Variants in FOXP1 observed in about 807,000 individuals in gnomAD.
The protein encoded by FOXP1 is forkhead box P1.
FOXP1 carries 15 observed loss-of-function variants against 98.2 expected under a neutral mutation model. That is an observed-to-expected ratio of 0.15 (90% CI 0.10 to 0.24). FOXP1 has a LOEUF of 0.24. Ranked by LOEUF, FOXP1 falls within the 10% of genes least tolerant of loss-of-function variation. FOXP1 has a pLI of 1.00. For synonymous variants in FOXP1, 371 were observed against 314.5 expected, an observed-to-expected ratio of 1.18 and a Z score of -1.90; for missense variants, 633 against 848.5, an observed-to-expected ratio of 0.75 and a Z score of 3.15.
intron 6 of FOXP1, among the ~76,000 whole-genome samples, chr3:71,151,477 T>C (rs1004820520): frequency 6.6e-6 from 1 of 152,136 alleles, no homozygotes. Context: ...GACCACTAAA[T>C]GTGTCCCTTC....
At chr3:71,157,740 G>A (rs1365862794) in intron 6 of FOXP1, among the ~76,000 whole-genome samples, 1 of 152,112 alleles carries the variant, frequency 6.6e-6, no homozygotes, top group Non-Finnish European at 1.5e-5. Context: ...GTGATACAAA[G>A]TTGGGCTAAG....
intron 2 of FOXP1, among the ~76,000 whole-genome samples, chr3:71,555,071 T>G (rs2046033174): frequency 6.6e-6 from 1 of 152,246 alleles, no homozygotes; most frequent in Non-Finnish European, 1.5e-5. Context: ...TGTATATATT[T>G]TTTAAACTTT....
intron 3 of FOXP1, among the ~76,000 whole-genome samples, chr3:71,397,266 G>A (rs35871794): frequency 0.16 from 23,570 of 151,014 alleles, 2,220 homozygotes; most frequent in South Asian, 0.22. Flanking sequence ...AAACCCATTC[G>A]GAAGGAACGA....
chr3:71,201,176 G>A (rs538214445), intron 5 of FOXP1, among the ~76,000 whole-genome samples: 1 of 152,116 alleles, frequency 6.6e-6, no homozygotes. Context: ...ACAGAGTAAA[G>A]CGTCTATCAA....
rs1441344156 is a variant in FOXP1 at position 71,427,417 on chromosome 3, A to T, written c.-168+66009T>A. ...GTCTGGCTGCAGCGAAGGGCATGTA[A>T]AGCGTAAAGCTAGCGAGAACTGGAA... On this transcript the variant is annotated intron_variant, in intron 3 of 20. Coordinates refer to ENST00000649528, the MANE Select transcript of FOXP1 (RefSeq NM_001349338.3). 2.0e-5 allele frequency among the ~76,000 whole-genome samples: 3 copies of T among 152,220 alleles called. No homozygotes were observed. In the East Asian group the frequency reaches 5.8e-4, roughly 29 times the overall value.
intron 5 of FOXP1, among the ~76,000 whole-genome samples, chr3:71,200,527 C>T (rs773560605): frequency 2.6e-5 from 4 of 152,100 alleles, no homozygotes; most frequent in African/African-American, 7.2e-5. Flanking sequence ...ACAATGAAAA[C>T]GGCAGGCTCA....
At chr3:71,083,038 G>A (rs958007494) in intron 7 of FOXP1, among the ~76,000 whole-genome samples, 56 of 152,168 alleles carry the variant, frequency 3.7e-4, no homozygotes, top group African/African-American at 1.2e-3. Flanking sequence ...TCATCCGGGG[G>A]ATGCAGGGGT....
chr3:71,328,990 C>CAAAAAAAAAAAAAAAAAA (rs56332143), intron 4 of FOXP1, among the ~76,000 whole-genome samples: 1 of 59,026 alleles, frequency 1.7e-5, no homozygotes, highest in Non-Finnish European at 3.6e-5. Context: ...AAAAAAAAAA[C>CAAAAAAAAAAAAAAAAAA]AAAAAAAAAA....
chr3:71,277,932 TAAACTC>T (rs745637427), intron 5 of FOXP1, among the ~76,000 whole-genome samples: 7 of 152,088 alleles, frequency 4.6e-5, no homozygotes, highest in Non-Finnish European at 1.0e-4. Context: ...CTCACTAATA[TAAACTC>T]AGCAAAGAAT....
intron 3 of FOXP1, among the ~76,000 whole-genome samples, chr3:71,430,387 T>G (rs2084597533): frequency 6.6e-6 from 1 of 152,194 alleles, no homozygotes; most frequent in Admixed American, 6.5e-5. Context: ...TATGAAATTT[T>G]ATAACAGATG....
chr3:71,218,641 C>T (rs2065120489), intron 5 of FOXP1, among the ~76,000 whole-genome samples: 1 of 152,198 alleles, frequency 6.6e-6, no homozygotes, highest in South Asian at 2.1e-4. Flanking sequence ...CTCTCTGTCC[C>T]AGCTACTTAG....
chr3:71,578,086 T>C (rs2047869560), intron 2 of FOXP1, among the ~76,000 whole-genome samples: 1 of 150,816 alleles, frequency 6.6e-6, no homozygotes, highest in African/African-American at 2.4e-5. Flanking sequence ...AAAAAAAAAA[T>C]TAAAAACAAA....
At position 71,001,031 on chromosome 3, in the gene FOXP1, C is replaced by T. The variant is rs1477164140; in HGVS notation, c.1003G>A (p.Asp335Asn). 2 of 1,613,200 alleles carry T rather than the reference C, an allele frequency of 1.2e-6. No homozygotes were observed. The highest frequency in any genetic ancestry group is 8.5e-7 in the Non-Finnish European group (1 of 1,179,284). The change falls in exon 13 of 21, where the codon GAT becomes AAT. Residue 335 changes from aspartate (D) to asparagine (N), a missense_variant. By Grantham distance (23) the Asp-to-Asn change is conservative. This residue lies in a region of FOXP1 where 23 missense variants were observed against 92.9 expected (regional missense o/e 0.25). Transcript: ENST00000649528. ...ACTCTACATTGGGCTGTACTTCTAT[C>T]GTCCAGCGCATGCTCACTGTTGAGA... ...KHLNSEHALD[D>N]RSTAQCRVQM...
chr3:71,468,120 TG>T (rs1345376971), intron 3 of FOXP1, among the ~76,000 whole-genome samples: 1 of 151,552 alleles, frequency 6.6e-6, no homozygotes, highest in Non-Finnish European at 1.5e-5. Flanking sequence ...GGAGAAGCAA[TG>T]TTTTTTTTTT....
At chr3:71,021,081 CACTT>C (rs1197831127) in intron 11 of FOXP1, among the ~76,000 whole-genome samples, 6 of 152,182 alleles carry the variant, frequency 3.9e-5, no homozygotes, top group Admixed American at 6.5e-5. Flanking sequence ...ACAATTCACT[CACTT>C]AAAGTGCATA....
intron 4 of FOXP1, among the ~76,000 whole-genome samples, chr3:71,336,308 A>C (rs2076676774): frequency 6.6e-6 from 1 of 152,136 alleles, no homozygotes; most frequent in Non-Finnish European, 1.5e-5. Context: ...ACATGTGCAG[A>C]ATGTGCAGGT....
intron 5 of FOXP1, among the ~76,000 whole-genome samples, chr3:71,283,663 T>C (rs142936576): frequency 4.5e-4 from 69 of 152,336 alleles, no homozygotes; most frequent in African/African-American, 1.5e-3. Flanking sequence ...CTCAGTGATT[T>C]GTTGTTTCTC....
chr3:71,131,547 T>C (rs1475694622), intron 6 of FOXP1, among the ~76,000 whole-genome samples: 2 of 152,192 alleles, frequency 1.3e-5, no homozygotes, highest in Non-Finnish European at 2.9e-5. Context: ...GTGCTAATAC[T>C]CGGCTAAAAT....
intron 2 of FOXP1, among the ~76,000 whole-genome samples, chr3:71,565,041 G>A (rs938316433): frequency 3.3e-5 from 5 of 152,192 alleles, no homozygotes; most frequent in Non-Finnish European, 5.9e-5. Flanking sequence ...CGAGGTTGCA[G>A]GGAGCCGAGA....
Sources: allele counts gnomAD v4.1 joint callset (sites outside exome capture counted in the v4.1 genomes callset), GRCh38; gene constraint gnomAD v4.1.1; regional missense constraint gnomAD v4.1.1; transcripts MANE v1.5; gene names NCBI Gene and HGNC (gene_info 2026-07-23, HGNC 2026-07-21).